Variants in CDH13 observed in about 807,000 individuals in gnomAD.
CDH13 encodes cadherin 13.
CDH13 carries 24 observed loss-of-function variants against 63.8 expected under a neutral mutation model. The ratio of observed to expected loss-of-function variants is 0.38; its 90% CI spans 0.27 to 0.53. The LOEUF is 0.53. Among genes scored for constraint, CDH13 ranks in the 20% least tolerant of loss-of-function variants. The probability of loss-of-function intolerance (pLI) is 0.85; values close to 1 mark genes in which losing one functional copy is unlikely to be tolerated. For missense variants in CDH13, 1,049 were observed against 903.1 expected (o/e 1.16, Z -2.07); for synonymous variants, 503 against 355.3 (o/e 1.42, Z -4.67).
intron 8 of CDH13, among the ~76,000 whole-genome samples, chr16:83,618,564 C>T (rs192214576): frequency 6.6e-6 from 1 of 152,152 alleles, no homozygotes; most frequent in Admixed American, 6.5e-5. Flanking sequence ...CGATGAGAAA[C>T]CCAGGCTCCA....
At chr16:82,734,059 G>A (rs2033542802) in intron 1 of CDH13, among the ~76,000 whole-genome samples, 2 of 152,178 alleles carry the variant, frequency 1.3e-5, no homozygotes, top group African/African-American at 4.8e-5. Flanking sequence ...ATTGGAGCTG[G>A]GATTTCAGAA....
intron 4 of CDH13, among the ~76,000 whole-genome samples, chr16:83,155,702 G>A (rs1388906433): frequency 5.9e-5 from 9 of 152,198 alleles, no homozygotes; most frequent in Admixed American, 5.2e-4. Flanking sequence ...TATAAAGCAG[G>A]GATGGGGGTG....
At chr16:83,447,081 A>G (rs1400920775) in intron 6 of CDH13, among the ~76,000 whole-genome samples, 1 of 109,078 alleles carries the variant, frequency 9.2e-6, no homozygotes, top group African/African-American at 3.0e-5. Flanking sequence ...AAAACAAAAA[A>G]CACCTTATAG....
chr16:83,228,521 C>G (rs2039910461), intron 5 of CDH13, among the ~76,000 whole-genome samples: 1 of 152,222 alleles, frequency 6.6e-6, no homozygotes, highest in Non-Finnish European at 1.5e-5. Flanking sequence ...ACTATATTAT[C>G]TTGTGAGGAG....
intron 6 of CDH13, among the ~76,000 whole-genome samples, chr16:83,349,634 C>G (rs11641116): frequency 6.6e-6 from 1 of 151,258 alleles, no homozygotes; most frequent in Admixed American, 6.6e-5. Context: ...GAGTTTTGCT[C>G]TTGTTGCCCA....
chr16:82,789,174 T>G (rs1369833387), intron 1 of CDH13, among the ~76,000 whole-genome samples: 1 of 152,140 alleles, frequency 6.6e-6, no homozygotes, highest in Non-Finnish European at 1.5e-5. Flanking sequence ...CCTGGAGGGG[T>G]TGAAGGGCCA....
chr16:83,578,484 T>C (rs1905242982), intron 7 of CDH13, among the ~76,000 whole-genome samples: 1 of 152,090 alleles, frequency 6.6e-6, no homozygotes, highest in Non-Finnish European at 1.5e-5. Context: ...GTCATGAGTG[T>C]TCAAAAGCAG....
rs1252083248 is a variant in CDH13, at chr16:83,006,997, C to T, written c.158-25013C>T. 4.0e-5 allele frequency among the ~76,000 whole-genome samples: 6 copies of T among 151,212 alleles called. No individual in the cohort carries two copies. In the Admixed American group the frequency reaches 4.0e-4, roughly 10 times the overall value. ...GGAGTGCAATGGCATGATCTCGGCT[C>T]ATCACAACCTCTGCCTCCCGGGCTC... On this transcript the variant is annotated intron_variant, in intron 2 of 13. Coordinates refer to ENST00000567109, the MANE Select transcript of CDH13 (RefSeq NM_001257.5).
intron 2 of CDH13, among the ~76,000 whole-genome samples, chr16:82,874,450 C>T (rs926819950): frequency 1.3e-5 from 2 of 152,020 alleles, no homozygotes; most frequent in East Asian, 1.9e-4. Flanking sequence ...GGCAGGCCAC[C>T]CCCGAGAAGT....
At chr16:83,368,178 A>G (rs947783458) in intron 6 of CDH13, among the ~76,000 whole-genome samples, 6 of 152,132 alleles carry the variant, frequency 3.9e-5, no homozygotes, top group African/African-American at 1.4e-4. Flanking sequence ...TGCTTATTTT[A>G]TGTCTTCATT....
At chr16:83,570,972 A>ATATAT (rs57638289) in intron 7 of CDH13, among the ~76,000 whole-genome samples, 201 of 109,572 alleles carry the variant, frequency 1.8e-3, no homozygotes, top group Middle Eastern at 5.1e-3. Flanking sequence ...TATATATATA[A>ATATAT]AAACCTTCTG....
intron 1 of CDH13, among the ~76,000 whole-genome samples, chr16:82,733,807 A>G (rs1160798670): frequency 6.6e-6 from 1 of 152,270 alleles, no homozygotes; most frequent in Non-Finnish European, 1.5e-5. Flanking sequence ...ACACAAAACA[A>G]AAACTGGATA....
chr16:83,346,738 T>C (rs186277801), intron 6 of CDH13, among the ~76,000 whole-genome samples: 1 of 152,336 alleles, frequency 6.6e-6, no homozygotes, highest in Admixed American at 6.5e-5. Flanking sequence ...GAAAGAGTTC[T>C]TTTTGCACAT....
chr16:83,120,938 A>G (rs1031456315), intron 3 of CDH13, among the ~76,000 whole-genome samples: 4 of 151,492 alleles, frequency 2.6e-5, no homozygotes, highest in African/African-American at 9.7e-5. Flanking sequence ...TAATTTTTGT[A>G]TTTTTGGTAG....
intron 6 of CDH13, among the ~76,000 whole-genome samples, chr16:83,411,985 T>G (rs2092134059): frequency 6.6e-6 from 1 of 152,222 alleles, no homozygotes; most frequent in Non-Finnish European, 1.5e-5. Context: ...GGTGCCATTG[T>G]GCTACTGACA....
chr16:83,544,027 C>G (rs752442134), intron 7 of CDH13, among the ~76,000 whole-genome samples: 17 of 152,294 alleles, frequency 1.1e-4, no homozygotes, highest in Middle Eastern at 3.4e-3. Context: ...TGGGATCTTT[C>G]AATCACTACT....
chr16:82,756,964 T>C (rs1433602579), intron 1 of CDH13, among the ~76,000 whole-genome samples: 1 of 152,190 alleles, frequency 6.6e-6, no homozygotes, highest in Non-Finnish European at 1.5e-5. Flanking sequence ...TCTATATCAG[T>C]GGCTGGCACA....
chr16:83,356,168 AAG>A (rs2091050054), intron 6 of CDH13, among the ~76,000 whole-genome samples: 2 of 151,310 alleles, frequency 1.3e-5, no homozygotes, highest in Admixed American at 6.6e-5. Context: ...CCTTAAATGT[AAG>A]AGAGCATTTT....
intron 11 of CDH13, among the ~76,000 whole-genome samples, chr16:83,776,135 G>C (rs1238174737): frequency 6.6e-6 from 1 of 152,100 alleles, no homozygotes; most frequent in Non-Finnish European, 1.5e-5. Context: ...TCACCAGCCT[G>C]GCCTGGGAAT....
Sources: allele counts gnomAD v4.1 joint callset (sites outside exome capture counted in the v4.1 genomes callset), GRCh38; gene constraint gnomAD v4.1.1; transcripts MANE v1.5; gene names NCBI Gene and HGNC (gene_info 2026-07-23, HGNC 2026-07-21).